Variants in MAN2B1 observed in about 807,000 individuals in gnomAD.
The protein encoded by MAN2B1 is mannosidase alpha class 2B member 1, also known as lysosomal alpha-mannosidase.
Under a neutral mutation model 127.5 loss-of-function variants are expected in MAN2B1, and 99 were observed. That is an observed-to-expected ratio of 0.78 (90% CI 0.66 to 0.92). The LOEUF (loss-of-function observed/expected upper bound fraction) is 0.92, where lower values mean the gene tolerates loss of function less well. Among genes scored for constraint, MAN2B1 ranks in the 40% least tolerant of loss-of-function variants. The pLI is 0.00. For missense variants in MAN2B1, 1,304 were observed against 1,384.8 expected, an observed-to-expected ratio of 0.94 and a Z score of 0.93; for synonymous variants, 573 against 568.8, an observed-to-expected ratio of 1.01 and a Z score of -0.11.
rs1568307670 is a variant in MAN2B1 at position 12,664,713 on chromosome 19, G to A, written c.630+79C>T. 10 of 1,415,006 alleles carry A rather than the reference G, an allele frequency of 7.1e-6. No individual in the cohort carries two copies. The South Asian group carries it at 1.2e-4, about 17-fold the overall frequency. 87.7% of individuals were successfully genotyped at this position (1,415,006 alleles called of 1,614,324 possible). A position where few individuals can be genotyped will look rare whatever the true frequency, so the allele number is the denominator to read the frequency against. ...GGCCTGGTCCTTGTGAGATTGCAGG[G>A]AGAGGGCGGGGTTTGACTGGGCGAG... On this transcript the variant is annotated intron_variant, in intron 4 of 23. Transcript: ENST00000456935.
intron 14 of MAN2B1, among the ~76,000 whole-genome samples, chr19:12,654,788 C>T (rs1440437949): frequency 1.3e-5 from 2 of 152,048 alleles, no homozygotes; most frequent in African/African-American, 4.8e-5. Context: ...AATCCTCCTT[C>T]CTCAGCCCCC....
At chr19:12,657,847 C>T (rs1321902108) in intron 10 of MAN2B1, 9 of 609,408 alleles carry the variant, frequency 1.5e-5, no homozygotes, top group East Asian at 1.1e-4. Context: ...CCCAGCTACT[C>T]GGGAGGCTGA....
At chr19:12,662,814 T>C (rs1167283114) in intron 6 of MAN2B1, among the ~76,000 whole-genome samples, 1 of 150,622 alleles carries the variant, frequency 6.6e-6, no homozygotes, top group Non-Finnish European at 1.5e-5. Flanking sequence ...GGCAGGTGCC[T>C]CTAATCCCAG....
rs2145228912 is a variant in MAN2B1, at chr19:12,649,199, C to T, written c.2373G>A (p.Leu791=). The change falls in exon 20 of 24, where the codon CTG becomes CTA. Residue 791 remains leucine (L), a synonymous_variant. Coordinates refer to ENST00000456935, the MANE Select transcript of MAN2B1 (RefSeq NM_000528.4). ...RIYITDGNMQ[L]TVLTDRSQGG... ...CCTGGGAGCGGTCAGTCAGCACAGT[C>T]AGCTGCATGTTTCCATCCTGGGAGT... is the stretch of plus-strand genomic sequence containing the variant. 1 of 1,613,404 alleles carries T rather than the reference C, an allele frequency of 6.2e-7. No individual in the cohort carries two copies. The highest frequency in any genetic ancestry group is 8.5e-7 in the Non-Finnish European group (1 of 1,179,994).
chr19:12,650,193 G>A lies in MAN2B1; in HGVS notation c.2076C>T (p.Asn692=), dbSNP rs376110556. Residue 692 remains asparagine, a synonymous_variant, in exon 17 of 24, where the codon AAC becomes AAT. Transcript: ENST00000456935. ...KTPLVQEVHQ[N]FSAWCSQVVR... ...CCACCTGGGAACACCAAGCTGAGAA[G>A]TTCTGGTGCACCTCCTGCACCAAGG... 13 of 1,613,786 alleles carry A rather than the reference G, an allele frequency of 8.1e-6. No homozygotes were observed. The highest frequency in any genetic ancestry group is 1.1e-5 in the Non-Finnish European group (13 of 1,179,984).
chr19:12,666,554 C>T lies in MAN2B1; in HGVS notation c.148G>A (p.Gly50Arg), dbSNP rs2145293917. ...GAGGCCCCACTCACCTCGTATCCCC[C>T]GGCCCGAGCACCGGCAGCCGCCAGC... Reference protein sequence around the residue: ...LLLAAAGARAGGYETCPTVQP... With the variant: ...LLLAAAGARARGYETCPTVQP... The change falls in exon 1 of 24, where the codon GGG becomes AGG. Residue 50 changes from glycine to arginine, a missense_variant. Physicochemically the swap from Gly to Arg is moderately radical, Grantham distance 125. Coordinates refer to ENST00000456935, the MANE Select transcript of MAN2B1 (RefSeq NM_000528.4). 6.3e-7 allele frequency: 1 copy of T among 1,584,962 alleles called. No individual in the cohort carries two copies. The highest frequency in any genetic ancestry group is 1.3e-5 in the African/African-American group (1 of 74,628).
chr19:12,656,099 G>A lies in MAN2B1; in HGVS notation c.1645-220C>T, dbSNP rs115743265. On this transcript the variant is annotated intron_variant, in intron 13 of 23. Coordinates refer to ENST00000456935, the MANE Select transcript of MAN2B1 (RefSeq NM_000528.4). ...GGGAGGGTGGAGAGACCATGGAGTC[G>A]GGGGAGTGAAGGAGGAAGTAGGGGA... The A allele has an allele frequency of 3.1e-3, 1,592 of 511,890 alleles. 24 individuals carry two copies. The highest frequency in any genetic ancestry group is 0.029 in the African/African-American group (1,459 of 50,896). 31.7% of individuals were successfully genotyped at this position (511,890 alleles called of 1,614,324 possible). A position where few individuals can be genotyped will look rare whatever the true frequency, so the allele number is the denominator to read the frequency against.
rs139731896 is a variant in MAN2B1, at chr19:12,658,619, A to G, written c.1027-109T>C. The G allele has an allele frequency of 2.9e-4, 301 of 1,023,150 alleles. 4 individuals carry two copies. The East Asian group carries it at 6.9e-3, about 24-fold the overall frequency. The allele number at this position is 1,023,150 out of a possible 1,614,324, so 63.4% of individuals were successfully genotyped here. The stretch of plus-strand genomic sequence containing the variant: ...TGCATCCCATAGGTTCAGTTTCTCT[A>G]AATACATATTTGGCGTGCAAGCCAA... On this transcript the variant is annotated intron_variant, in intron 7 of 23. Transcript: ENST00000456935.
At chr19:12,663,509 C>G (rs2024157622) in intron 5 of MAN2B1, 47 bp from the exon 6 acceptor site, 1 of 1,607,558 alleles carries the variant, frequency 6.2e-7, no homozygotes, top group Non-Finnish European at 8.5e-7. Flanking sequence ...CCCAGACCTT[C>G]CCTGGTTTCA....
chr19:12,653,098 G>A (rs1450841286), intron 14 of MAN2B1, among the ~76,000 whole-genome samples: 1 of 149,914 alleles, frequency 6.7e-6, no homozygotes, highest in Non-Finnish European at 1.5e-5. Flanking sequence ...CCTCCCAAAG[G>A]GCTGGGATTA....
rs553809969 is a variant in MAN2B1 at position 12,650,605 on chromosome 19, G to A, written c.2047-383C>T. On this transcript the variant is annotated intron_variant, in intron 16 of 23. Coordinates refer to ENST00000456935, the MANE Select transcript of MAN2B1 (RefSeq NM_000528.4). ...GATCTCCTGACCTCGTGATCAGCCC[G>A]CCTCGGCCTCCCAAAGTGCTGGGAT... is the stretch of plus-strand genomic sequence containing the variant. Among the ~76,000 whole-genome samples, 9 of 151,724 alleles carry A rather than the reference G, an allele frequency of 5.9e-5. No individual in the cohort carries two copies. The South Asian group carries it at 8.3e-4, about 14-fold the overall frequency.
intron 16 of MAN2B1, 142 bp downstream of exon 16, chr19:12,652,011 C>T (rs1215544202): frequency 3.2e-5 from 24 of 742,570 alleles, no homozygotes; most frequent in Admixed American, 1.1e-4. Context: ...ATATTTCCCC[C>T]GCTGATCTGT....
chr19:12,648,099 AG>A, intron 21 of MAN2B1, 75 bp downstream of exon 21: 1 of 1,386,480 alleles, frequency 7.2e-7, no homozygotes, highest in Non-Finnish European at 9.9e-7. Flanking sequence ...CGCTGAGCCT[AG>A]GAAACTCCGC....
At chr19:12,661,688 C>T (rs78066378) in intron 6 of MAN2B1, among the ~76,000 whole-genome samples, 3 of 152,022 alleles carry the variant, frequency 2.0e-5, no homozygotes, top group Non-Finnish European at 4.4e-5. Context: ...ATAGCATCTT[C>T]CTCCAGGGGG....
chr19:12,646,767 G>T, intron 23 of MAN2B1, 35 bp from the exon 24 acceptor site: 7 of 1,458,156 alleles, frequency 4.8e-6, no homozygotes, highest in Non-Finnish European at 5.8e-6. Flanking sequence ...GAGTGAGGAG[G>T]TGCAGACTTC....
chr19:12,650,020 C>T lies in MAN2B1; in HGVS notation c.2166-6G>A, dbSNP rs2145232801. On this transcript the variant is annotated splice_polypyrimidine_tract_variant and splice_region_variant and intron_variant, in intron 17 of 23. Coordinates refer to ENST00000456935, the MANE Select transcript of MAN2B1 (RefSeq NM_000528.4). ...CCTCCTTCCCCCAGGTGTCGCTGTA[C>T]CCAATGGGATGGCAAGGTTGTGAGC... 6.2e-7 allele frequency: 1 copy of T among 1,613,576 alleles called. No homozygotes were observed. Among genetic ancestry groups the T allele is most frequent in the Admixed American group, 1.7e-5 (1 of 60,004 alleles).
At chr19:12,661,442 T>G (rs2024104262) in intron 6 of MAN2B1, 66 bp from the exon 7 acceptor site, 1 of 1,073,012 alleles carries the variant, frequency 9.3e-7, no homozygotes, top group South Asian at 1.2e-5. Context: ...AGCTGTGTTT[T>G]GATGTATATG....
intron 6 of MAN2B1, among the ~76,000 whole-genome samples, chr19:12,662,522 C>T (rs1172597180): frequency 8.6e-5 from 13 of 152,000 alleles, no homozygotes; most frequent in African/African-American, 2.9e-4. Flanking sequence ...CCCAGCTACT[C>T]GGGAGGCTGA....
intron 7 of MAN2B1, 179 bp from the exon 8 acceptor site, chr19:12,658,689 A>T: frequency 3.2e-6 from 2 of 629,134 alleles, no homozygotes; most frequent in Non-Finnish European, 5.7e-6. Flanking sequence ...AAACATGACC[A>T]CTAGCCTTTT....
Sources: gnomAD v4.1 joint callset for allele counts (sites outside exome capture counted in the v4.1 genomes callset) on GRCh38, gnomAD v4.1.1 for gene constraint, MANE v1.5 for transcripts, NCBI Gene and HGNC (gene_info 2026-07-23, HGNC 2026-07-21) for gene names.